The following SACS variants were observed in gnomAD, a reference collection of about 807,000 sequenced individuals.
SACS encodes sacsin.
In SACS, 197 loss-of-function variants were observed where a neutral mutation model predicts 348.0. That is an observed-to-expected ratio of 0.57 (90% CI 0.50 to 0.64). The LOEUF is 0.64. SACS is among the 30% of genes least tolerant of loss of function. The probability of loss-of-function intolerance (pLI) is 0.00; values close to 1 mark genes in which losing one functional copy is unlikely to be tolerated. For synonymous variants in SACS, 1,985 were observed against 1,910.6 expected (o/e 1.04, Z -1.02); for missense variants, 4,999 against 5,360.8 (o/e 0.93, Z 2.11).
rs200517407 is a variant in SACS, at chr13:23,334,706, C to T, written c.9170G>A (p.Arg3057Lys). 4.3e-6 allele frequency: 7 copies of T among 1,613,550 alleles called. No individual in the cohort carries two copies. In the Admixed American group the frequency reaches 5.0e-5, roughly 12 times the overall value. Residue 3057 changes from arginine to lysine, a missense_variant, in exon 10 of 10, where the codon AGG becomes AAG. By Grantham distance (26) the Arg-to-Lys change is conservative (BLOSUM62 2). This residue lies in a region of SACS where 734 missense variants were observed against 694.0 expected (regional missense o/e 1.06). Coordinates refer to ENST00000382292, the MANE Select transcript of SACS (RefSeq NM_014363.6). ...TRKTVAENVY[R>K]LKHLLLEIGF... ...AATTTCTAAAAGGAGATGTTTCAGC[C>T]TATAGACATTCTCTGCTACTGTTTT...
Position 23,341,203 on chromosome 13 carries a change from T to C in SACS, c.2673A>G (p.Gln891=), listed in dbSNP as rs1317599586. The C allele has an allele frequency of 8.1e-6, 13 of 1,613,738 alleles. No individual in the cohort carries two copies. Among genetic ancestry groups the C allele is most frequent in the South Asian group, 2.2e-5 (2 of 91,094 alleles). ...TGTGTGTTGGAAGTAGCGAAGTTATTTGATTACACAATTTCTGCAATGGCA... is the reference window on the plus strand; with the variant it reads ...TGTGTGTTGGAAGTAGCGAAGTTATCTGATTACACAATTTCTGCAATGGCA... The part of the protein sequence containing the change: ...EKMPLQKLCN[Q]ITSLLPTHKD... Residue 891 remains glutamine, a synonymous_variant, in exon 10 of 10, where the codon CAA becomes CAG. Coordinates refer to ENST00000382292, the MANE Select transcript of SACS (RefSeq NM_014363.6).
intron 2 of SACS, among the ~76,000 whole-genome samples, chr13:23,406,970 G>A (rs569563184): frequency 1.1e-4 from 16 of 152,246 alleles, no homozygotes; most frequent in Admixed American, 3.9e-4. Context: ...GCAAATTAAA[G>A]TCAGCCATTT....
At chr13:23,416,459 G>A (rs990563078) in intron 1 of SACS, among the ~76,000 whole-genome samples, 2 of 151,836 alleles carry the variant, frequency 1.3e-5, no homozygotes, top group African/African-American at 4.8e-5. Context: ...ATTGATTAAG[G>A]TAAAAGAAAA....
At chr13:23,413,984 T>C (rs1212557735) in intron 1 of SACS, among the ~76,000 whole-genome samples, 1 of 152,122 alleles carries the variant, frequency 6.6e-6, no homozygotes, top group Non-Finnish European at 1.5e-5. Flanking sequence ...AAGTAAAGGA[T>C]TAGGATCAAT....
chr13:23,341,445 C>T lies in SACS; in HGVS notation c.2431G>A (p.Gly811Ser). 6.2e-7 allele frequency: 1 copy of T among 1,613,994 alleles called. No homozygotes were observed. Reference protein sequence around the residue: ...PLIPRTILEEGQTCVELIRLR... With the variant: ...PLIPRTILEESQTCVELIRLR... ...CTAATGAGTTCCACACATGTCTGAC[C>T]TTCCTCTAGTATAGTTCTGGGGATA... The change falls in exon 10 of 10, where the codon GGT becomes AGT. Residue 811 changes from glycine (G) to serine (S), a missense_variant. By Grantham distance (56) the Gly-to-Ser change is moderately conservative. This residue lies in a region of SACS where 3,156 missense variants were observed against 3,380.1 expected (regional missense o/e 0.93). Coordinates refer to ENST00000382292, the MANE Select transcript of SACS (RefSeq NM_014363.6).
At chr13:23,347,772 G>A (rs1258836675) in intron 9 of SACS, among the ~76,000 whole-genome samples, 1 of 152,208 alleles carries the variant, frequency 6.6e-6, no homozygotes, top group Non-Finnish European at 1.5e-5. Flanking sequence ...CAGAGGTAGT[G>A]AATGGAGGAG....
chr13:23,424,603 G>T (rs1874092871), intron 1 of SACS, among the ~76,000 whole-genome samples: 1 of 151,838 alleles, frequency 6.6e-6, no homozygotes, highest in Non-Finnish European at 1.5e-5. Context: ...TGAAAAACAA[G>T]CTATGTGAGG....
rs965068037 is a variant in SACS at position 23,354,520 on chromosome 13, T to A, written c.2092A>T (p.Arg698Trp). 6 of 1,613,776 alleles carry A rather than the reference T, an allele frequency of 3.7e-6. No homozygotes were observed. The highest frequency in any genetic ancestry group is 1.3e-5 in the African/African-American group (1 of 74,928). Residue 698 changes from arginine to tryptophan, a missense_variant and splice_region_variant, in exon 8 of 10, where the codon AGG becomes TGG. Physicochemically the swap from Arg to Trp is moderately radical, Grantham distance 101. Around this residue, in one of 6 missense-constraint regions of SACS, gnomAD observed 3,156 missense variants for 3,380.1 expected, o/e 0.93. Coordinates refer to ENST00000382292, the MANE Select transcript of SACS (RefSeq NM_014363.6). ...VIYITSAEYPRSLFPSLEGRF... is the reference protein window; with the variant it reads ...VIYITSAEYPWSLFPSLEGRF... ...GAATGTTAGAAGGGGGACCCCTACC[T>A]TGGATATTCTGCTGAGGTAATATAA...
chr13:23,334,868 C>G lies in SACS; in HGVS notation c.9008G>C (p.Gly3003Ala), dbSNP rs1170753806. 46 of 1,613,648 alleles carry G rather than the reference C, an allele frequency of 2.9e-5. No individual in the cohort carries two copies. The highest frequency in any genetic ancestry group is 3.7e-5 in the Non-Finnish European group (44 of 1,179,820). Reference protein sequence around the residue: ...LPVVRAPNIDGSDLHSAVIIT... With the variant: ...LPVVRAPNIDASDLHSAVIIT... ...TATAACTGCAGAGTGCAAGTCAGAG[C>G]CATCAATATTTGGAGCCCGCACAAC... Residue 3003 changes from glycine (G) to alanine (A), a missense_variant, in exon 10 of 10, where the codon GGC (glycine) becomes GCC (alanine). Physicochemically the swap from Gly to Ala is moderately conservative, Grantham distance 60. This residue lies in a region of SACS where 734 missense variants were observed against 694.0 expected (regional missense o/e 1.06). Coordinates refer to ENST00000382292, the MANE Select transcript of SACS (RefSeq NM_014363.6).
Position 23,365,161 on chromosome 13 carries a change from C to T in SACS, c.457+5G>A, listed in dbSNP as rs1255834626. On this transcript the variant is annotated splice_donor_5th_base_variant and intron_variant, in intron 6 of 9. Transcript: ENST00000382292. The stretch of plus-strand genomic sequence containing the variant: ...TAAAATTTGTTCCTAATTATTGATT[C>T]TTACCCTGATATGGCGCCATATCTT... 6.3e-7 allele frequency: 1 copy of T among 1,586,328 alleles called. No homozygotes were observed. Among genetic ancestry groups the T allele is most frequent in the Non-Finnish European group, 8.6e-7 (1 of 1,157,474 alleles).
intron 4 of SACS, 95 bp from the exon 5 acceptor site, chr13:23,368,582 C>G: frequency 1.2e-6 from 1 of 866,840 alleles, no homozygotes; most frequent in Non-Finnish European, 1.9e-6. Context: ...TATAACTATA[C>G]AAGTTATGGT....
chr13:23,367,446 AAAC>A (rs1435815614), intron 5 of SACS, among the ~76,000 whole-genome samples: 1 of 152,220 alleles, frequency 6.6e-6, no homozygotes, highest in Non-Finnish European at 1.5e-5. Context: ...AATAAACACT[AAAC>A]AAGCTAATGG....
In SACS at chr13:23,355,619, A is replaced by G. The variant is rs1870321510; in HGVS notation, c.993T>C (p.Phe331=). 6 of 1,614,156 alleles carry G rather than the reference A, an allele frequency of 3.7e-6. No individual in the cohort carries two copies. The East Asian group carries it at 6.7e-5, about 18-fold the overall frequency. Residue 331 remains phenylalanine (F), a synonymous_variant, in exon 8 of 10, where the codon TTT becomes TTC. Transcript: ENST00000382292. ...READGTEKLV[F]RVTSSESKAL... Reference sequence around the variant, plus strand: ...CCTTACTCTCACTCGAAGTCACTCTAAACACCAGTTTCTCTGTTCCGTCAG... The same window carrying G: ...CCTTACTCTCACTCGAAGTCACTCTGAACACCAGTTTCTCTGTTCCGTCAG...
chr13:23,332,817 C>T lies in SACS; in HGVS notation c.11059G>A (p.Val3687Ile). Reference sequence around the variant, plus strand: ...TCACATTGCTTGAATTTTGGATTTACCTGTGCTCCATTGAACTTTATAAGA... The same window carrying T: ...TCACATTGCTTGAATTTTGGATTTATCTGTGCTCCATTGAACTTTATAAGA... ...LPLIKFNGAQVNPKFKQCDVL... is the reference protein window; with the variant it reads ...LPLIKFNGAQINPKFKQCDVL... Residue 3687 changes from valine (V) to isoleucine (I), a missense_variant, in exon 10 of 10, where the codon GTA becomes ATA. By Grantham distance (29) the Val-to-Ile change is conservative. Around this residue, in one of 6 missense-constraint regions of SACS, gnomAD observed 831 missense variants for 941.8 expected, o/e 0.88. Transcript: ENST00000382292. 6.2e-7 allele frequency: 1 copy of T among 1,613,778 alleles called. No homozygotes were observed. Among genetic ancestry groups the T allele is most frequent in the South Asian group, 1.1e-5 (1 of 91,076 alleles).
rs138379074 is a variant in SACS, at chr13:23,337,236, G to C, written c.6640C>G (p.Arg2214Gly). The change falls in exon 10 of 10, where the codon CGC becomes GGC. Residue 2214 changes from arginine (R) to glycine (G), a missense_variant. Around this residue, in one of 6 missense-constraint regions of SACS, gnomAD observed 3,156 missense variants for 3,380.1 expected, o/e 0.93. Coordinates refer to ENST00000382292, the MANE Select transcript of SACS (RefSeq NM_014363.6). The stretch of plus-strand genomic sequence containing the variant: ...GGTTTTGTCAGAAATGGAAGGAAGC[G>C]GATTGTTTGATATTTTGCAGCAAAA... ...KDFAAKYQTI[R>G]FLPFLTKPAG... 1.9e-6 allele frequency: 3 copies of C among 1,613,836 alleles called. No homozygotes were observed. Among genetic ancestry groups the C allele is most frequent in the Non-Finnish European group, 1.7e-6 (2 of 1,179,900 alleles).
chr13:23,369,622 G>A (rs1871263414), intron 4 of SACS, among the ~76,000 whole-genome samples: 1 of 150,896 alleles, frequency 6.6e-6, no homozygotes, highest in African/African-American at 2.4e-5. Flanking sequence ...TCAGCTCACT[G>A]CAAGCTCCTT....
intron 9 of SACS, among the ~76,000 whole-genome samples, chr13:23,350,475 A>C (rs1045543018): frequency 2.0e-5 from 3 of 152,264 alleles, no homozygotes; most frequent in Non-Finnish European, 4.4e-5. Context: ...TAAGGATTTT[A>C]AATGTAATAC....
intron 9 of SACS, among the ~76,000 whole-genome samples, chr13:23,345,672 C>T (rs989162954): frequency 1.3e-5 from 2 of 151,992 alleles, no homozygotes; most frequent in Non-Finnish European, 2.9e-5. Context: ...TAGTAAGAAC[C>T]GTGAATGATA....
chr13:23,371,444 G>T (rs1871386806), intron 3 of SACS, among the ~76,000 whole-genome samples: 1 of 152,054 alleles, frequency 6.6e-6, no homozygotes, highest in Admixed American at 6.6e-5. Context: ...GATGAATCGG[G>T]ATCATTAACA....
Sources: allele counts gnomAD v4.1 joint callset (sites outside exome capture counted in the v4.1 genomes callset), GRCh38; gene constraint gnomAD v4.1.1; regional missense constraint gnomAD v4.1.1; transcripts MANE v1.5; gene names NCBI Gene and HGNC (gene_info 2026-07-23, HGNC 2026-07-21).